The following CCDC178 variants were observed in gnomAD, a reference collection of about 807,000 sequenced individuals.
CCDC178 encodes the protein coiled-coil domain-containing protein 178.
CCDC178 carries 126 observed loss-of-function variants against 117.4 expected under a neutral mutation model. That is an observed-to-expected ratio of 1.07 (90% CI 0.93 to 1.24). CCDC178 has a LOEUF of 1.24. Ranked by LOEUF, CCDC178 falls within the 50% of genes most tolerant of loss-of-function variation. The pLI, the probability that CCDC178 is intolerant of heterozygous loss-of-function variation, is 0.00. For synonymous variants in CCDC178, 283 were observed against 313.4 expected (o/e 0.90, Z 1.02); for missense variants, 1,030 against 986.9 (o/e 1.04, Z -0.59).
chr18:33,065,390 T>A (rs774943815), intron 21 of CCDC178, among the ~76,000 whole-genome samples: 40 of 151,998 alleles, frequency 2.6e-4, no homozygotes, highest in Non-Finnish European at 4.9e-4. Context: ...GTTTTTATAA[T>A]AATAAAAAGA....
At chr18:33,169,363 A>G (rs1798561206) in intron 20 of CCDC178, among the ~76,000 whole-genome samples, 1 of 152,158 alleles carries the variant, frequency 6.6e-6, no homozygotes. Context: ...GATAATAGAA[A>G]AATTTGGCTG....
At chr18:33,301,342 C>T (rs1394315871) in intron 11 of CCDC178, among the ~76,000 whole-genome samples, 1 of 152,176 alleles carries the variant, frequency 6.6e-6, no homozygotes, top group African/African-American at 2.4e-5. Flanking sequence ...AGGGGCAGGG[C>T]CCTCACAGAT....
intron 14 of CCDC178, among the ~76,000 whole-genome samples, chr18:33,250,725 G>A (rs575284720): frequency 1.3e-5 from 2 of 151,710 alleles, no homozygotes; most frequent in South Asian, 4.1e-4. Context: ...AGGATAGATA[G>A]GTAGCAGGTG....
intron 20 of CCDC178, among the ~76,000 whole-genome samples, chr18:33,119,767 G>A (rs1237195948): frequency 1.3e-5 from 2 of 152,082 alleles, no homozygotes; most frequent in African/African-American, 2.4e-5. Context: ...TCACAATAGC[G>A]AAGTCTTGGA....
chr18:32,942,895 T>C (rs2054271277), intron 22 of CCDC178, among the ~76,000 whole-genome samples: 1 of 152,218 alleles, frequency 6.6e-6, no homozygotes, highest in Non-Finnish European at 1.5e-5. Context: ...AAGAAAATTG[T>C]TACTTTGTCT....
rs1411044703 is a variant in CCDC178 at position 33,203,906 on chromosome 18, C to T, written c.2238+7990G>A. On this transcript the variant is annotated intron_variant, in intron 20 of 22. Coordinates refer to ENST00000383096, the MANE Select transcript of CCDC178 (RefSeq NM_001105528.4). ...GTCTATAAGACTAACTATGATAGCT[C>T]TTTTAAGACTCTATCCAACGTGGAT... Among the ~76,000 whole-genome samples, 4 of 152,256 alleles carry T rather than the reference C, an allele frequency of 2.6e-5. No homozygotes were observed. In the East Asian group the frequency reaches 7.7e-4, roughly 29 times the overall value.
intron 22 of CCDC178, among the ~76,000 whole-genome samples, chr18:32,965,190 A>G (rs1452764594): frequency 6.6e-6 from 1 of 152,002 alleles, no homozygotes; most frequent in Non-Finnish European, 1.5e-5. Context: ...TCAGCCACAC[A>G]GATCACAAAT....
At chr18:33,064,027 A>G (rs1388170238) in intron 21 of CCDC178, among the ~76,000 whole-genome samples, 1 of 152,214 alleles carries the variant, frequency 6.6e-6, no homozygotes, top group African/African-American at 2.4e-5. Flanking sequence ...CAGCTGTAGG[A>G]AAAAGTCTTT....
intron 21 of CCDC178, among the ~76,000 whole-genome samples, chr18:32,989,477 G>A (rs2055342269): frequency 6.6e-6 from 1 of 152,052 alleles, no homozygotes; most frequent in Admixed American, 6.6e-5. Flanking sequence ...ATTTTTTTCT[G>A]GAAAGAGCTA....
At position 32,974,549 on chromosome 18, in the gene CCDC178, G is replaced by T; in HGVS notation, c.2521C>A (p.Gln841Lys). The change falls in exon 22 of 23, where the codon CAG becomes AAG. Residue 841 changes from glutamine to lysine, a missense_variant and splice_region_variant. Transcript: ENST00000383096. The stretch of plus-strand genomic sequence containing the variant: ...CCTACTTCCCTGCAATCACCTACCT[G>T]CACAGCTAATATTTTCTGAATACTC... ...QESIQKILAV[Q>K]EESSNLMQHI... 6.2e-7 allele frequency: 1 copy of T among 1,612,994 alleles called. No homozygotes were observed.
At chr18:33,066,061 C>T (rs1334161907) in intron 21 of CCDC178, among the ~76,000 whole-genome samples, 1 of 151,872 alleles carries the variant, frequency 6.6e-6, no homozygotes, top group Admixed American at 6.6e-5. Context: ...TGGGGTTTTA[C>T]CGTGTTGGCC....
At chr18:33,315,662 G>A (rs2144972320) in intron 11 of CCDC178, among the ~76,000 whole-genome samples, 1 of 152,322 alleles carries the variant, frequency 6.6e-6, no homozygotes, top group South Asian at 2.1e-4. Context: ...TGTCAAAAGT[G>A]TTCGAACCAG....
At chr18:32,970,498 G>A (rs1441055996) in intron 22 of CCDC178, among the ~76,000 whole-genome samples, 1 of 151,684 alleles carries the variant, frequency 6.6e-6, no homozygotes, top group Non-Finnish European at 1.5e-5. Flanking sequence ...CCTGACATCG[G>A]CACTTAAAGG....
In CCDC178 at chr18:33,130,880, C is replaced by T. The variant is rs538990757; in HGVS notation, c.2239-37970G>A. ...TTTCCTCAGACAAAAAGGAATTACA[C>T]AATTTATTACAATTTTCCTTTGCCC... On this transcript the variant is annotated intron_variant, in intron 20 of 22. Transcript: ENST00000383096. Among the ~76,000 whole-genome samples, 5 of 151,996 alleles carry T rather than the reference C, an allele frequency of 3.3e-5. No homozygotes were observed. The East Asian group carries it at 7.7e-4, about 24-fold the overall frequency.
intron 12 of CCDC178, among the ~76,000 whole-genome samples, chr18:33,292,357 T>A (rs1031473445): frequency 6.6e-6 from 1 of 152,132 alleles, no homozygotes; most frequent in Non-Finnish European, 1.5e-5. Context: ...CATTCATACA[T>A]GGAAGCTAAA....
At chr18:33,216,444 G>C (rs750174090) in intron 18 of CCDC178, among the ~76,000 whole-genome samples, 6 of 151,924 alleles carry the variant, frequency 3.9e-5, no homozygotes, top group Non-Finnish European at 8.8e-5. Context: ...ATGACTGTTT[G>C]TGTTCAAATG....
intron 5 of CCDC178, among the ~76,000 whole-genome samples, chr18:33,382,092 C>T (rs1373161623): frequency 6.6e-6 from 1 of 152,068 alleles, no homozygotes; most frequent in Non-Finnish European, 1.5e-5. Context: ...ACTGGACATA[C>T]ACAGATGAAA....
At chr18:33,383,661 AAAC>A (rs1049087949) in intron 5 of CCDC178, among the ~76,000 whole-genome samples, 13 of 152,110 alleles carry the variant, frequency 8.5e-5, no homozygotes, top group African/African-American at 2.2e-4. Flanking sequence ...CAAAAAGCAA[AAAC>A]AACAACATCA....
chr18:33,301,602 C>G (rs1365919189), intron 11 of CCDC178, among the ~76,000 whole-genome samples: 1 of 152,216 alleles, frequency 6.6e-6, no homozygotes, highest in African/African-American at 2.4e-5. Flanking sequence ...CTGACCCCTT[C>G]CAGTGTGTGC....
Sources: allele counts gnomAD v4.1 joint callset (sites outside exome capture counted in the v4.1 genomes callset), GRCh38; gene constraint gnomAD v4.1.1; transcripts MANE v1.5; gene names NCBI Gene and HGNC (gene_info 2026-07-23, HGNC 2026-07-21).